NID2: variants seen among roughly 807,000 people sequenced by gnomAD.
NID2 encodes nidogen-2.
NID2 carries 83 observed loss-of-function variants against 145.4 expected under a neutral mutation model. That is an observed-to-expected ratio of 0.57 (90% confidence interval 0.48 to 0.69). NID2 has a LOEUF of 0.69. Among genes scored for constraint, NID2 ranks in the 30% least tolerant of loss-of-function variants. NID2 has a pLI of 0.00. For missense variants in NID2, 1,807 were observed against 1,765.7 expected, an observed-to-expected ratio of 1.02 and a Z score of -0.42; for synonymous variants, 739 against 701.3, an observed-to-expected ratio of 1.05 and a Z score of -0.85.
At chr14:52,030,181 T>C (rs530921018) in intron 9 of NID2, among the ~76,000 whole-genome samples, 6 of 152,338 alleles carry the variant, frequency 3.9e-5, no homozygotes, top group Non-Finnish European at 7.3e-5. Context: ...AAATTCCCAA[T>C]TTTTATAGGT....
At chr14:52,025,028 C>T (rs1240539215) in intron 12 of NID2, among the ~76,000 whole-genome samples, 4 of 152,188 alleles carry the variant, frequency 2.6e-5, no homozygotes, top group Non-Finnish European at 4.4e-5. Context: ...AGCTAAGGAA[C>T]TAAATATTTT....
chr14:52,063,506 A>G (rs1232922538), intron 2 of NID2, among the ~76,000 whole-genome samples: 2 of 152,258 alleles, frequency 1.3e-5, no homozygotes, highest in African/African-American at 4.8e-5. Flanking sequence ...CATGCAACAT[A>G]CACCCCTCTA....
rs773352022 is a variant in NID2, at chr14:52,005,751, G to A, written c.4103C>T (p.Pro1368Leu). The A allele has an allele frequency of 1.9e-6, 3 of 1,612,110 alleles. No homozygotes were observed. The highest frequency in any genetic ancestry group is 2.5e-6 in the Non-Finnish European group (3 of 1,178,250). Residue 1368 changes from proline (P) to leucine (L), a missense_variant, in exon 21 of 22, where the codon CCC becomes CTC. Pro to Leu is a moderately conservative substitution (Grantham distance 98). Transcript: ENST00000216286. ...ATACTTTTTACCTGTTGGGCAGTAG[G>A]GGTAGACTGCAGTTATCCCGTAGAG... The part of the protein sequence containing the change: ...SHLYGITAVY[P>L]YCPTGRK
chr14:52,029,713 A>G (rs761817602), intron 9 of NID2, 23 bp from the exon 10 acceptor site: 1 of 1,607,150 alleles, frequency 6.2e-7, no homozygotes, highest in Non-Finnish European at 8.5e-7. Context: ...AGGGGAAATA[A>G]AAGCACAATC....
intron 7 of NID2, 24 bp from the exon 8 acceptor site, chr14:52,040,875 C>T (rs1892256989): frequency 1.2e-6 from 2 of 1,610,212 alleles, no homozygotes. Context: ...ACATTCAGCA[C>T]AGGGATGAAA....
intron 15 of NID2, 82 bp from the exon 16 acceptor site, chr14:52,014,538 C>G (rs1311756008): frequency 2.2e-6 from 3 of 1,376,658 alleles, no homozygotes; most frequent in Non-Finnish European, 3.0e-6. Context: ...TACCACATAC[C>G]AGAGCCTCCA....
chr14:52,019,628 A>C (rs1678486771), intron 13 of NID2, among the ~76,000 whole-genome samples: 1 of 151,854 alleles, frequency 6.6e-6, no homozygotes, highest in African/African-American at 2.4e-5. Flanking sequence ...CCCACAGGTT[A>C]AGTCTGAGAA....
chr14:52,025,902 C>CA (rs1382552541), intron 12 of NID2, among the ~76,000 whole-genome samples: 1 of 152,152 alleles, frequency 6.6e-6, no homozygotes, highest in African/African-American at 2.4e-5. Flanking sequence ...ATACCACCAC[C>CA]AAAAGTATCT....
Position 52,019,115 on chromosome 14 carries a change from G to C in NID2, c.2974C>G (p.Pro992Ala). ...GAGCCAGGTGGAGTCTGGGTACCAGGAACTTCATGACCATCAGGGTCCACG... is the reference window on the plus strand; with the variant it reads ...GAGCCAGGTGGAGTCTGGGTACCAGCAACTTCATGACCATCAGGGTCCACG... ...WCVDPDGHEVPGTQTPPGSTP... is the reference protein window; with the variant it reads ...WCVDPDGHEVAGTQTPPGSTP... Residue 992 changes from proline to alanine, a missense_variant, in exon 14 of 22, where the codon CCT becomes GCT. Physicochemically the swap from Pro to Ala is conservative, Grantham distance 27. Transcript: ENST00000216286. 6.2e-7 allele frequency: 1 copy of C among 1,614,108 alleles called. No individual in the cohort carries two copies. The highest frequency in any genetic ancestry group is 8.5e-7 in the Non-Finnish European group (1 of 1,180,008).
intron 9 of NID2, among the ~76,000 whole-genome samples, chr14:52,036,894 A>C (rs1892092528): frequency 6.6e-6 from 1 of 152,156 alleles, no homozygotes; most frequent in Non-Finnish European, 1.5e-5. Flanking sequence ...CTCTAGAACA[A>C]ATATCACATG....
At chr14:52,026,288 C>G (rs138362276) in intron 12 of NID2, among the ~76,000 whole-genome samples, 1 of 152,214 alleles carries the variant, frequency 6.6e-6, no homozygotes, top group Non-Finnish European at 1.5e-5. Flanking sequence ...CTGTTCTTAG[C>G]ACATCAGCTC....
chr14:52,015,410 G>GA, intron 14 of NID2, 135 bp from the exon 15 acceptor site: 3 of 737,452 alleles, frequency 4.1e-6, no homozygotes, highest in Non-Finnish European at 6.6e-6. Context: ...AGCCAAGCCC[G>GA]TGGACACCAA....
chr14:52,052,514 T>C (rs575755223), intron 5 of NID2, among the ~76,000 whole-genome samples: 1 of 152,320 alleles, frequency 6.6e-6, no homozygotes, highest in East Asian at 1.9e-4. Flanking sequence ...GCAGCCAGGA[T>C]TCAAACTCGA....
intron 20 of NID2, chr14:52,006,132 A>G (rs1890770990): frequency 4.5e-6 from 2 of 443,574 alleles, no homozygotes; most frequent in Admixed American, 6.9e-5. Context: ...TTTGAGAACT[A>G]GTCTAAATAG....
At chr14:52,039,280 C>G (rs1285511538) in intron 8 of NID2, among the ~76,000 whole-genome samples, 3 of 152,156 alleles carry the variant, frequency 2.0e-5, no homozygotes, top group Non-Finnish European at 4.4e-5. Context: ...CTCACAACAG[C>G]CTGGTGAGGT....
chr14:52,044,064 C>T (rs968053599), intron 5 of NID2, among the ~76,000 whole-genome samples: 8 of 151,834 alleles, frequency 5.3e-5, no homozygotes, highest in African/African-American at 1.2e-4. Flanking sequence ...TATCTGGAAA[C>T]GAGGAGACAG....
intron 9 of NID2, among the ~76,000 whole-genome samples, chr14:52,030,630 AAGAAAG>A (rs202163664): frequency 7.0e-6 from 1 of 142,498 alleles, no homozygotes. Flanking sequence ...AAGAAAGAGA[AAGAAAG>A]AGAAAGAAAA....
chr14:52,038,723 CA>C, intron 9 of NID2, 23 bp downstream of exon 9: 1 of 1,518,056 alleles, frequency 6.6e-7, no homozygotes, highest in Admixed American at 2.1e-5. Context: ...CATTTTTACC[CA>C]ACAACAAAAA....
chr14:52,017,765 A>G (rs1566746485), intron 14 of NID2, among the ~76,000 whole-genome samples: 1 of 152,170 alleles, frequency 6.6e-6, no homozygotes, highest in Non-Finnish European at 1.5e-5. Flanking sequence ...AAGAGCGACT[A>G]TGGATCAAAC....
Sources: gnomAD v4.1 joint callset for allele counts (sites outside exome capture counted in the v4.1 genomes callset) on GRCh38, gnomAD v4.1.1 for gene constraint, MANE v1.5 for transcripts, NCBI Gene and HGNC (gene_info 2026-07-23, HGNC 2026-07-21) for gene names.